The following ZFPM2 variants were observed in gnomAD, a reference collection of about 807,000 sequenced individuals.
The protein encoded by ZFPM2 is zinc finger protein ZFPM2.
ZFPM2 carries 20 observed loss-of-function variants against 98.6 expected under a neutral mutation model. The observed-to-expected ratio is 0.20, with a 90% CI of 0.14 to 0.29. ZFPM2 has a LOEUF of 0.29. Among genes scored for constraint, ZFPM2 ranks in the 10% least tolerant of loss-of-function variants. The pLI is 1.00. For missense variants in ZFPM2, 1,310 were observed against 1,388.6 expected (o/e 0.94, Z 0.90); for synonymous variants, 518 against 502.7 (o/e 1.03, Z -0.41).
At chr8:105,796,824 G>A (rs778098227) in intron 6 of ZFPM2, 1 of 152,158 alleles carries the variant, frequency 6.6e-6, no homozygotes, top group Non-Finnish European at 1.5e-5. Flanking sequence ...GCCTGGCTTA[G>A]TCCCATTGTA....
At chr8:105,550,324 T>C (rs988829705) in intron 3 of ZFPM2, among the ~76,000 whole-genome samples, 4 of 152,192 alleles carry the variant, frequency 2.6e-5, no homozygotes, top group African/African-American at 7.2e-5. Flanking sequence ...GCTGCTGATA[T>C]GATAGTGGGT....
Position 105,801,318 on chromosome 8 carries a change from A to T in ZFPM2, c.1236A>T (p.Thr412=). The T allele has an allele frequency of 6.2e-7, 1 of 1,613,946 alleles. No homozygotes were observed. Among genetic ancestry groups the T allele is most frequent in the Admixed American group, 1.7e-5 (1 of 60,006 alleles). Residue 412 remains threonine (T), a synonymous_variant, in exon 8 of 8, where the codon ACA becomes ACT. Transcript: ENST00000407775. ...CTGAAGACAGCTTACAGCCAGCCAC[A>T]GACTTATTGACCAGAAGCGAACTTC... ...SATEDSLQPA[T]DLLTRSELPQ...
At chr8:105,542,142 C>T (rs1209882045) in intron 3 of ZFPM2, among the ~76,000 whole-genome samples, 1 of 151,820 alleles carries the variant, frequency 6.6e-6, no homozygotes, top group African/African-American at 2.4e-5. Flanking sequence ...ATTTTGCTAG[C>T]TTTGTAATTA....
chr8:105,336,499 A>T (rs941649178), intron 1 of ZFPM2, among the ~76,000 whole-genome samples: 2 of 151,792 alleles, frequency 1.3e-5, no homozygotes, highest in Admixed American at 1.3e-4. Flanking sequence ...ATTTTTTGGT[A>T]AATATTGTTT....
chr8:105,793,225 A>G (rs199722117), intron 6 of ZFPM2, among the ~76,000 whole-genome samples: 3 of 151,872 alleles, frequency 2.0e-5, no homozygotes, highest in East Asian at 1.9e-4. Context: ...AGCTGGTACC[A>G]GTTGTTCCTT....
chr8:105,582,378 A>T (rs1815620236), intron 4 of ZFPM2, among the ~76,000 whole-genome samples: 2 of 152,132 alleles, frequency 1.3e-5, no homozygotes, highest in Non-Finnish European at 2.9e-5. Context: ...GTCTGAAGAC[A>T]TTTGGCAAAG....
chr8:105,395,441 T>G (rs1351864454), intron 1 of ZFPM2, among the ~76,000 whole-genome samples: 1 of 152,168 alleles, frequency 6.6e-6, no homozygotes, highest in Admixed American at 6.5e-5. Context: ...ATCCACATTT[T>G]ATCTAATCCT....
chr8:105,411,611 C>G (rs1811578645), intron 1 of ZFPM2, among the ~76,000 whole-genome samples: 1 of 151,794 alleles, frequency 6.6e-6, no homozygotes, highest in African/African-American at 2.4e-5. Flanking sequence ...AAATATATCT[C>G]AATCATATAA....
chr8:105,541,611 T>C (rs189362275), intron 3 of ZFPM2, among the ~76,000 whole-genome samples: 8 of 152,310 alleles, frequency 5.3e-5, no homozygotes, highest in African/African-American at 1.4e-4. Context: ...CACTTGTAGG[T>C]GTACACCTAA....
intron 1 of ZFPM2, chr8:105,387,235 G>C (rs2129911168): frequency 6.5e-6 from 1 of 153,274 alleles, no homozygotes; most frequent in South Asian, 2.0e-4. Flanking sequence ...GGTTCTCCAA[G>C]TCCCCACCAG....
At chr8:105,761,919 T>C (rs964100213) in intron 5 of ZFPM2, among the ~76,000 whole-genome samples, 10 of 151,816 alleles carry the variant, frequency 6.6e-5, no homozygotes, top group African/African-American at 1.9e-4. Context: ...TACAATGAAA[T>C]TGATGGATAT....
chr8:105,717,051 G>T lies in ZFPM2; in HGVS notation c.533-71667G>T, dbSNP rs571951069. ...GAAGTGCTGATACATTTAAAAGGGAGCTGCTTCTCCAGCAGCACCTGCCCA... is the reference window on the plus strand; with the variant it reads ...GAAGTGCTGATACATTTAAAAGGGATCTGCTTCTCCAGCAGCACCTGCCCA... On this transcript the variant is annotated intron_variant, in intron 5 of 7. Transcript: ENST00000407775. 2.0e-5 allele frequency among the ~76,000 whole-genome samples: 3 copies of T among 152,106 alleles called. 1 individual carries two copies. The highest frequency in any genetic ancestry group is 7.2e-5 in the African/African-American group (3 of 41,542).
At position 105,589,566 on chromosome 8, in the gene ZFPM2, T is replaced by C. The variant is rs755085; in HGVS notation, c.420+28085T>C. On this transcript the variant is annotated intron_variant, in intron 4 of 7. Transcript: ENST00000407775. ...TTTACGTTAACATAAAAGAGTACTT[T>C]TTTGTTATTTGAATTAATTACATTT... Among the ~76,000 whole-genome samples, 854 of 152,286 alleles carry C rather than the reference T, an allele frequency of 5.6e-3. 6 individuals are homozygous for C. Among genetic ancestry groups the C allele is most frequent in the African/African-American group, 0.018 (748 of 41,570 alleles).
intron 4 of ZFPM2, among the ~76,000 whole-genome samples, chr8:105,602,301 A>T (rs575723909): frequency 6.6e-6 from 1 of 152,272 alleles, no homozygotes; most frequent in South Asian, 2.1e-4. Context: ...CTCATGAAAA[A>T]AAAGGATTGG....
intron 5 of ZFPM2, among the ~76,000 whole-genome samples, chr8:105,772,073 C>T (rs1812988865): frequency 6.6e-6 from 1 of 152,116 alleles, no homozygotes; most frequent in Non-Finnish European, 1.5e-5. Flanking sequence ...TTCAAGATCA[C>T]TTTCCATTTG....
chr8:105,524,545 A>G (rs1814131997), intron 3 of ZFPM2, among the ~76,000 whole-genome samples: 1 of 152,090 alleles, frequency 6.6e-6, no homozygotes, highest in Non-Finnish European at 1.5e-5. Flanking sequence ...TAGCATTGAA[A>G]AATGTTCAGG....
At chr8:105,330,042 G>C (rs1440988586) in intron 1 of ZFPM2, among the ~76,000 whole-genome samples, 1 of 151,576 alleles carries the variant, frequency 6.6e-6, no homozygotes, top group East Asian at 1.9e-4. Flanking sequence ...AATGTTCTTG[G>C]AAAGAAAGGA....
At chr8:105,604,307 C>G (rs1816152860) in intron 4 of ZFPM2, among the ~76,000 whole-genome samples, 1 of 152,022 alleles carries the variant, frequency 6.6e-6, no homozygotes, top group South Asian at 2.1e-4. Flanking sequence ...CCCACCACTT[C>G]CAGAGCTATC....
chr8:105,667,919 T>C (rs892719593), intron 5 of ZFPM2, among the ~76,000 whole-genome samples: 3 of 152,232 alleles, frequency 2.0e-5, no homozygotes, highest in Non-Finnish European at 4.4e-5. Flanking sequence ...AGTAGAATGA[T>C]ATTGCTAGAT....
Sources: allele counts gnomAD v4.1 joint callset (sites outside exome capture counted in the v4.1 genomes callset), GRCh38; gene constraint gnomAD v4.1.1; transcripts MANE v1.5; gene names NCBI Gene and HGNC (gene_info 2026-07-23, HGNC 2026-07-21).